FAAH2: variants seen among roughly 807,000 people sequenced by gnomAD.
FAAH2 encodes the protein fatty acid amide hydrolase 2.
FAAH2 carries 60 observed loss-of-function variants against 36.9 expected under a neutral mutation model. The observed-to-expected ratio is 1.63, with a 90% confidence interval of 1.32 to 2.02. The LOEUF (loss-of-function observed/expected upper bound fraction) is 2.02, where lower values mean the gene tolerates loss of function less well. Ranked by LOEUF, FAAH2 falls within the 30% of genes most tolerant of loss-of-function variation. The pLI is 0.00. For synonymous variants in FAAH2, 214 were observed against 143.8 expected (o/e 1.49, Z -3.49); for missense variants, 689 against 397.5 (o/e 1.73, Z -6.23).
the FAAH2 span, among the ~76,000 whole-genome samples, chrX:57,126,723 T>C: frequency 9.0e-5 from 10 of 111,680 alleles, no homozygotes; most frequent in South Asian, 2.6e-3. Context: ...AAGCTAGTCA[T>C]GGTGATGCCA....
intron 7 of FAAH2, among the ~76,000 whole-genome samples, chrX:57,399,708 G>A (rs759055158): frequency 2.8e-4 from 31 of 112,235 alleles, no homozygotes; most frequent in Non-Finnish European, 4.7e-4. Context: ...GCTTCCTGAT[G>A]TTTGATAGGT....
the FAAH2 span, among the ~76,000 whole-genome samples, chrX:57,212,270 C>A: frequency 6.2e-5 from 7 of 112,040 alleles, no homozygotes; most frequent in South Asian, 7.4e-4. Flanking sequence ...ACACAAGTTG[C>A]AAAGGAATGT....
At chrX:57,278,638 CAA>C in the FAAH2 span, among the ~76,000 whole-genome samples, 4 of 107,150 alleles carry the variant, frequency 3.7e-5, no homozygotes, top group Admixed American at 3.0e-4. Context: ...AACAATAAAA[CAA>C]AAAAAAACCT....
At chrX:57,138,696 C>T in the FAAH2 span, among the ~76,000 whole-genome samples, 1 of 111,474 alleles carries the variant, frequency 9.0e-6, no homozygotes, top group Non-Finnish European at 1.9e-5. Flanking sequence ...ACAAGGATAC[C>T]TCTTTCTTCA....
intron 8 of FAAH2, among the ~76,000 whole-genome samples, chrX:57,441,069 T>C (rs2056542186): frequency 9.0e-6 from 1 of 111,404 alleles, no homozygotes; most frequent in African/African-American, 3.3e-5. Context: ...TTCTCTTTTT[T>C]TGTTGTTGTG....
chrX:57,334,298 A>AC (rs1569269177), intron 4 of FAAH2, among the ~76,000 whole-genome samples: 29 of 109,808 alleles, frequency 2.6e-4, no homozygotes, highest in Non-Finnish European at 4.8e-4. Flanking sequence ...ACACACACAC[A>AC]AAGATGGGAG....
chrX:57,350,765 T>C (rs2053979152), intron 5 of FAAH2, among the ~76,000 whole-genome samples: 1 of 111,215 alleles, frequency 9.0e-6, no homozygotes, highest in Non-Finnish European at 1.9e-5. Flanking sequence ...GATTATATAA[T>C]GATAAAGAAA....
intron 10 of FAAH2, among the ~76,000 whole-genome samples, chrX:57,454,498 T>G (rs941489564): frequency 1.2e-4 from 13 of 112,056 alleles, no homozygotes; most frequent in African/African-American, 2.6e-4. Context: ...ATTCAGAAGC[T>G]GGATGACAAG....
At chrX:57,429,074 G>C (rs752070612) in intron 7 of FAAH2, among the ~76,000 whole-genome samples, 1 of 111,611 alleles carries the variant, frequency 9.0e-6, no homozygotes, top group Non-Finnish European at 1.9e-5. Context: ...AGTGGCTCAC[G>C]CCTGTAATCC....
intron 7 of FAAH2, chrX:57,394,240 G>A: frequency 1.1e-5 from 8 of 733,608 alleles, no homozygotes; most frequent in Non-Finnish European, 1.7e-5. Flanking sequence ...AAAAGTTCTG[G>A]TAAAGATGGG....
intron 4 of FAAH2, among the ~76,000 whole-genome samples, chrX:57,336,264 C>A (rs1049616746): frequency 9.0e-6 from 1 of 110,884 alleles, no homozygotes; most frequent in Admixed American, 9.6e-5. Flanking sequence ...CCATTCTGCC[C>A]GCCAGAGAAG....
Position 57,489,050 on chromosome X carries a change from G to C in FAAH2, c.*118G>C. 1 of 724,434 alleles carries C rather than the reference G, an allele frequency of 1.4e-6. No homozygotes were observed. The highest frequency in any genetic ancestry group is 1.9e-6 in the Non-Finnish European group (1 of 517,113). 59.7% of individuals were successfully genotyped at this position (724,434 alleles called of 1,213,427 possible). On this transcript the variant is annotated 3_prime_UTR_variant, in exon 11 of 11. Coordinates refer to ENST00000374900, the MANE Select transcript of FAAH2 (RefSeq NM_174912.4). ...CAGAGAAACAACTGGGGAATTTATTGACTCATTTAGTTATTCTTTCTACTT... is the reference window on the plus strand; with the variant it reads ...CAGAGAAACAACTGGGGAATTTATTCACTCATTTAGTTATTCTTTCTACTT...
chrX:57,466,143 TC>T (rs2057043262), intron 10 of FAAH2, among the ~76,000 whole-genome samples: 2 of 81,453 alleles, frequency 2.5e-5, no homozygotes, highest in Non-Finnish European at 4.4e-5. Context: ...TCTCTCTCTC[TC>T]TCTCTCTCTC....
intron 6 of FAAH2, among the ~76,000 whole-genome samples, chrX:57,379,813 A>ATCT (rs2054791763): frequency 9.8e-6 from 1 of 101,682 alleles, no homozygotes; most frequent in South Asian, 4.4e-4. Flanking sequence ...AAGTCCCTGA[A>ATCT]TTTTTTTTTT....
chrX:57,281,210 G>A, the FAAH2 span, among the ~76,000 whole-genome samples: 1 of 111,570 alleles, frequency 9.0e-6, no homozygotes, highest in South Asian at 3.8e-4. Flanking sequence ...TGAGTAAAGG[G>A]CACCTGGAAT....
chrX:57,435,966 G>A (rs1424104981), intron 8 of FAAH2, among the ~76,000 whole-genome samples: 1 of 110,778 alleles, frequency 9.0e-6, no homozygotes, highest in African/African-American at 3.3e-5. Flanking sequence ...TGTATTTTAG[G>A]CCACAAAACA....
the FAAH2 span, among the ~76,000 whole-genome samples, chrX:57,206,871 G>T: frequency 5.4e-5 from 6 of 111,630 alleles, no homozygotes; most frequent in Admixed American, 9.5e-5. Context: ...AAAAACTGGA[G>T]AATTTCAAGG....
Position 57,292,496 on chromosome X carries a change from A to T in FAAH2, c.193-2A>T. The T allele has an allele frequency of 4.2e-6, 5 of 1,201,136 alleles. No individual in the cohort carries two copies. Among genetic ancestry groups the T allele is most frequent in the Non-Finnish European group, 5.6e-6 (5 of 888,796 alleles). On this transcript the variant is annotated splice_acceptor_variant, in intron 1 of 10. Transcript: ENST00000374900. LOFTEE classifies it high-confidence loss of function. Reference sequence around the variant, plus strand: ...TGCTGACTAAAGTATTGTATTTTGCAGGTGAAATGTATAGATGTTGTTCAG... The same window carrying T: ...TGCTGACTAAAGTATTGTATTTTGCTGGTGAAATGTATAGATGTTGTTCAG...
chrX:57,250,051 G>T, the FAAH2 span, among the ~76,000 whole-genome samples: 1 of 112,025 alleles, frequency 8.9e-6, no homozygotes, highest in Non-Finnish European at 1.9e-5. Flanking sequence ...AAAGGCCATA[G>T]ACATTGAACA....
Sources: gnomAD v4.1 joint callset for allele counts (sites outside exome capture counted in the v4.1 genomes callset) on GRCh38, gnomAD v4.1.1 for gene constraint, MANE v1.5 for transcripts, NCBI Gene and HGNC (gene_info 2026-07-23, HGNC 2026-07-21) for gene names.